FSTL5: variants seen among roughly 807,000 people sequenced by gnomAD.
The protein encoded by FSTL5 is follistatin-related protein 5.
A neutral mutation model predicts 89.1 loss-of-function variants in FSTL5; 62 were observed. That is an observed-to-expected ratio of 0.70 (90% CI 0.57 to 0.86). FSTL5 has a LOEUF of 0.86. FSTL5 is among the 40% of genes least tolerant of loss of function. The pLI is 0.00. For synonymous variants in FSTL5, 383 were observed against 346.2 expected (o/e 1.11, Z -1.18); for missense variants, 1,057 against 1,001.6 (o/e 1.06, Z -0.75).
chr4:161,521,432 C>T (rs1731015805), intron 10 of FSTL5, among the ~76,000 whole-genome samples: 1 of 151,876 alleles, frequency 6.6e-6, no homozygotes, highest in Non-Finnish European at 1.5e-5. Context: ...CTGTGAGAAG[C>T]CTTAAGTCTT....
At chr4:162,124,289 G>T (rs1731984017) in intron 1 of FSTL5, among the ~76,000 whole-genome samples, 1 of 152,068 alleles carries the variant, frequency 6.6e-6, no homozygotes, top group Non-Finnish European at 1.5e-5. Flanking sequence ...CTAGACTGAG[G>T]GTAGGTGTAA....
chr4:161,488,768 C>T (rs1457407696), intron 12 of FSTL5, among the ~76,000 whole-genome samples: 1 of 152,064 alleles, frequency 6.6e-6, no homozygotes, highest in African/African-American at 2.4e-5. Flanking sequence ...AAAATTATAA[C>T]AGTCTACATG....
chr4:162,104,527 A>G (rs1731135260), intron 2 of FSTL5, among the ~76,000 whole-genome samples: 1 of 152,228 alleles, frequency 6.6e-6, no homozygotes, highest in Non-Finnish European at 1.5e-5. Flanking sequence ...AAGAACAAAC[A>G]GGCTCATACA....
intron 15 of FSTL5, among the ~76,000 whole-genome samples, chr4:161,403,303 T>C (rs140060194): frequency 6.6e-6 from 1 of 151,892 alleles, no homozygotes; most frequent in Non-Finnish European, 1.5e-5. Context: ...AACACCATTT[T>C]TGTGTGTGTG....
chr4:161,780,062 C>T (rs1419749672), intron 4 of FSTL5, among the ~76,000 whole-genome samples: 1 of 148,330 alleles, frequency 6.7e-6, no homozygotes, highest in African/African-American at 2.4e-5. Flanking sequence ...CCCTCGGAGT[C>T]CTTCAATTGG....
chr4:162,070,940 A>G (rs1729594303), intron 2 of FSTL5, among the ~76,000 whole-genome samples: 1 of 151,716 alleles, frequency 6.6e-6, no homozygotes, highest in Admixed American at 6.6e-5. Flanking sequence ...GATAATATAT[A>G]CTGTCATGAA....
intron 3 of FSTL5, among the ~76,000 whole-genome samples, chr4:161,958,488 T>C (rs931124127): frequency 6.6e-6 from 1 of 152,136 alleles, no homozygotes; most frequent in African/African-American, 2.4e-5. Flanking sequence ...TGAAATTAAG[T>C]TGCATAGACA....
chr4:161,797,865 A>T (rs1206726038), intron 4 of FSTL5, among the ~76,000 whole-genome samples: 1 of 151,670 alleles, frequency 6.6e-6, no homozygotes, highest in Non-Finnish European at 1.5e-5. Context: ...GAAATGCAAA[A>T]TATCTTTAGC....
chr4:161,950,269 T>G (rs1166623770), intron 3 of FSTL5, among the ~76,000 whole-genome samples: 1 of 152,160 alleles, frequency 6.6e-6, no homozygotes, highest in Non-Finnish European at 1.5e-5. Context: ...TGTTTTAACA[T>G]GGGAGACTTA....
At chr4:162,084,174 A>C (rs1730213777) in intron 2 of FSTL5, among the ~76,000 whole-genome samples, 1 of 152,036 alleles carries the variant, frequency 6.6e-6, no homozygotes, top group Non-Finnish European at 1.5e-5. Context: ...ATTATAAATT[A>C]TAGAACCAGA....
At chr4:161,544,836 A>C (rs755965491) in intron 8 of FSTL5, among the ~76,000 whole-genome samples, 7 of 151,990 alleles carry the variant, frequency 4.6e-5, no homozygotes, top group African/African-American at 1.4e-4. Context: ...GATACTACTA[A>C]TGTTACCTTT....
intron 9 of FSTL5, among the ~76,000 whole-genome samples, chr4:161,541,522 T>C (rs529220570): frequency 2.2e-4 from 34 of 152,208 alleles, no homozygotes; most frequent in Middle Eastern, 3.4e-3. Flanking sequence ...CTGACCTACG[T>C]ATGCACATTA....
intron 15 of FSTL5, among the ~76,000 whole-genome samples, chr4:161,451,025 T>C (rs1191554292): frequency 6.6e-6 from 1 of 152,172 alleles, no homozygotes; most frequent in Non-Finnish European, 1.5e-5. Context: ...ATTACAGGCA[T>C]GAGCCACTGA....
At chr4:161,611,231 CATATATATATATATATATATATAT>C (rs70937667) in intron 7 of FSTL5, among the ~76,000 whole-genome samples, 1 of 128,490 alleles carries the variant, frequency 7.8e-6, no homozygotes, top group African/African-American at 2.9e-5. Context: ...TATGTGTATA[CATATATATATATATATATATATAT>C]ATATATATAT....
At chr4:161,607,187 C>T (rs1734477791) in intron 7 of FSTL5, among the ~76,000 whole-genome samples, 1 of 152,030 alleles carries the variant, frequency 6.6e-6, no homozygotes, top group Non-Finnish European at 1.5e-5. Flanking sequence ...CTGCAGAAAA[C>T]TGTATTGTCC....
intron 3 of FSTL5, among the ~76,000 whole-genome samples, chr4:161,988,061 C>T (rs956201345): frequency 7.2e-6 from 1 of 139,658 alleles, no homozygotes; most frequent in Non-Finnish European, 1.5e-5. Flanking sequence ...ACTAAAAAAA[C>T]CACTAAAAAA....
intron 2 of FSTL5, among the ~76,000 whole-genome samples, chr4:162,063,437 C>T (rs1266254261): frequency 2.0e-5 from 3 of 151,720 alleles, no homozygotes; most frequent in South Asian, 4.1e-4. Context: ...TTATTGATAG[C>T]TTGTATTGAT....
At chr4:162,014,460 C>T (rs116816260) in intron 3 of FSTL5, among the ~76,000 whole-genome samples, 1,591 of 151,578 alleles carry the variant, frequency 0.01, 7 homozygotes, top group Non-Finnish European at 0.015. Context: ...AGCTTGTATT[C>T]AGAGATTTGA....
intron 15 of FSTL5, among the ~76,000 whole-genome samples, chr4:161,408,266 C>G (rs1731459578): frequency 6.6e-6 from 1 of 152,184 alleles, no homozygotes; most frequent in Admixed American, 6.5e-5. Flanking sequence ...CTGCCCGTTG[C>G]TCTCAATCAG....
Sources: gnomAD v4.1 joint callset for allele counts (sites outside exome capture counted in the v4.1 genomes callset) on GRCh38, gnomAD v4.1.1 for gene constraint, MANE v1.5 for transcripts, NCBI Gene and HGNC (gene_info 2026-07-23, HGNC 2026-07-21) for gene names.